Variants in MBTPS1 observed in about 807,000 individuals in gnomAD.
MBTPS1 encodes the protein membrane bound transcription factor peptidase, site 1.
Under a neutral mutation model 127.8 loss-of-function variants are expected in MBTPS1, and 94 were observed. The ratio of observed to expected loss-of-function variants is 0.74; its 90% CI spans 0.62 to 0.87. The LOEUF is 0.87. Ranked by LOEUF, MBTPS1 falls within the 40% of genes least tolerant of loss-of-function variation. MBTPS1 has a pLI of 0.00. For missense variants in MBTPS1, 1,636 were observed against 1,353.2 expected, an observed-to-expected ratio of 1.21 and a Z score of -3.28; for synonymous variants, 632 against 509.4, an observed-to-expected ratio of 1.24 and a Z score of -3.24.
chr16:84,090,511 TG>T (rs1480475050), intron 8 of MBTPS1, among the ~76,000 whole-genome samples: 3 of 152,200 alleles, frequency 2.0e-5, no homozygotes, highest in Non-Finnish European at 2.9e-5. Context: ...CCGGATGCTT[TG>T]CACACAGATC....
intron 22 of MBTPS1, 52 bp from the exon 23 acceptor site, chr16:84,054,697 A>T: frequency 7.1e-7 from 1 of 1,410,700 alleles, no homozygotes. Flanking sequence ...AGCTACCATG[A>T]CGGCCTTTTT....
Position 84,087,362 on chromosome 16 carries a change from G to A in MBTPS1, c.1130C>T (p.Thr377Ile). 6.2e-7 allele frequency: 1 copy of A among 1,609,896 alleles called. No individual in the cohort carries two copies. Among genetic ancestry groups the A allele is most frequent in the South Asian group, 1.1e-5 (1 of 90,932 alleles). The part of the protein sequence containing the change: ...IARFSSRGMT[T>I]WELPGGYGRM... The stretch of plus-strand genomic sequence containing the variant: ...ATTTAGCAAAGAAGAGCGTACCCAG[G>A]TAGTCATTCCCCTTGAAGAAAAGCG... Residue 377 changes from threonine to isoleucine, a missense_variant, in exon 9 of 23, where the codon ACC becomes ATC. Transcript: ENST00000343411.
chr16:84,076,473 C>T (rs948311028), intron 11 of MBTPS1, among the ~76,000 whole-genome samples: 2 of 152,130 alleles, frequency 1.3e-5, no homozygotes, highest in African/African-American at 4.8e-5. Flanking sequence ...TCAATGAAGC[C>T]TTAAGAATTG....
At chr16:84,080,340 C>A (rs550390971) in intron 11 of MBTPS1, among the ~76,000 whole-genome samples, 1 of 152,224 alleles carries the variant, frequency 6.6e-6, no homozygotes, top group Non-Finnish European at 1.5e-5. Flanking sequence ...CAGGAGTAAT[C>A]ACCAAAGGCA....
At chr16:84,077,291 A>G (rs2085872731) in intron 11 of MBTPS1, among the ~76,000 whole-genome samples, 1 of 151,838 alleles carries the variant, frequency 6.6e-6, no homozygotes, top group African/African-American at 2.4e-5. Context: ...AGAATACCCA[A>G]GAAAACAACG....
intron 1 of MBTPS1, among the ~76,000 whole-genome samples, chr16:84,115,190 T>C (rs535811905): frequency 1.3e-5 from 2 of 152,110 alleles, no homozygotes; most frequent in East Asian, 1.9e-4. Flanking sequence ...GCCTCCCAAA[T>C]TGTGGGATTA....
chr16:84,060,505 TG>T, intron 20 of MBTPS1, 176 bp downstream of exon 20: 1 of 629,732 alleles, frequency 1.6e-6, no homozygotes, highest in Non-Finnish European at 2.7e-6. Context: ...GGACTAAGGA[TG>T]GCCTCTCGGC....
At position 84,095,650 on chromosome 16, in the gene MBTPS1, C is replaced by T; in HGVS notation, c.577G>A (p.Val193Ile). The T allele has an allele frequency of 6.2e-7, 1 of 1,614,242 alleles. No homozygotes were observed. The highest frequency in any genetic ancestry group is 2.2e-5 in the East Asian group (1 of 44,894). Residue 193 changes from valine (V) to isoleucine (I), a missense_variant, in exon 4 of 23, where the codon GTT becomes ATT. By Grantham distance (29) the Val-to-Ile change is conservative (BLOSUM62 3). Coordinates refer to ENST00000343411, the MANE Select transcript of MBTPS1 (RefSeq NM_003791.4). ...ACATCTGCCTGCAGTGTCTGGGCAA[C>T]CTGGCGCGGGATGGCTCTCAGCAGC... is the stretch of plus-strand genomic sequence containing the variant. ...RRLLRAIPRQ[V>I]AQTLQADVLW... is the part of the protein sequence containing the mutation.
chr16:84,114,215 C>A (rs1380959376), intron 1 of MBTPS1, among the ~76,000 whole-genome samples: 1 of 152,098 alleles, frequency 6.6e-6, no homozygotes, highest in African/African-American at 2.4e-5. Flanking sequence ...CCCGCCTCGG[C>A]CTCCCAAAGT....
chr16:84,114,591 GA>G (rs577673639), intron 1 of MBTPS1, among the ~76,000 whole-genome samples: 31 of 151,904 alleles, frequency 2.0e-4, no homozygotes, highest in Non-Finnish European at 3.7e-4. Flanking sequence ...AGCACTTTGG[GA>G]GGCCGACGCG....
In MBTPS1 at chr16:84,101,940, C is replaced by G; in HGVS notation, c.-157G>C. 1.5e-6 allele frequency: 1 copy of G among 654,418 alleles called. No homozygotes were observed. Among genetic ancestry groups the G allele is most frequent in the South Asian group, 2.0e-5 (1 of 48,978 alleles). 40.5% of individuals were successfully genotyped at this position (654,418 alleles called of 1,614,324 possible). The stretch of plus-strand genomic sequence containing the variant: ...CATAAATAAAAGTTAAATCCCATGG[C>G]CTTTTGTGGTTCAGCCTGAAGAGAG... On this transcript the variant is annotated 5_prime_UTR_variant, in exon 2 of 23. Coordinates refer to ENST00000343411, the MANE Select transcript of MBTPS1 (RefSeq NM_003791.4).
intron 1 of MBTPS1, among the ~76,000 whole-genome samples, chr16:84,116,032 C>T (rs184069726): frequency 1.3e-5 from 2 of 152,242 alleles, no homozygotes; most frequent in East Asian, 3.9e-4. Flanking sequence ...GTTAGGAGGG[C>T]TTACCTACAC....
chr16:84,060,897 A>C, intron 19 of MBTPS1, 84 bp from the exon 20 acceptor site: 5 of 1,359,008 alleles, frequency 3.7e-6, no homozygotes, highest in East Asian at 5.1e-5. Flanking sequence ...GCAGTGGCGC[A>C]ATCATAGCTC....
intron 12 of MBTPS1, among the ~76,000 whole-genome samples, chr16:84,073,895 A>G (rs1022766789): frequency 2.0e-5 from 3 of 152,072 alleles, no homozygotes; most frequent in African/African-American, 7.2e-5. Context: ...AATCCCAGAT[A>G]CCTGGGAGGC....
intron 22 of MBTPS1, among the ~76,000 whole-genome samples, chr16:84,055,290 C>A (rs2085506063): frequency 6.6e-6 from 1 of 152,236 alleles, no homozygotes; most frequent in Non-Finnish European, 1.5e-5. Flanking sequence ...CAGGGCTGGA[C>A]TGCACAGACA....
At position 84,060,650 on chromosome 16, in the gene MBTPS1, C is replaced by A. The variant is rs144966326; in HGVS notation, c.2704+32G>T. 2.7e-4 allele frequency: 436 copies of A among 1,603,444 alleles called. 1 individual carries two copies. In the African/African-American group the frequency reaches 5.2e-3, roughly 19 times the overall value. The stretch of plus-strand genomic sequence containing the variant: ...GCATCATGTTCAGCTGGATCCAATT[C>A]CCTCCCCAAGGCATCCTGCCCATCC... On this transcript the variant is annotated intron_variant, in intron 20 of 22. Transcript: ENST00000343411.
Position 84,101,633 on chromosome 16 carries a change from C to G in MBTPS1, c.151G>C (p.Val51Leu). Reference protein sequence around the residue: ...LTLKVEFSSTVVEYEYIVAFN... With the variant: ...LTLKVEFSSTLVEYEYIVAFN... ...ACAACATCATTACCATATTCCACAA[C>G]TGTTGATGAGAATTCCACCTTCAAA... The change falls in exon 2 of 23, where the codon GTT (valine) becomes CTT (leucine). Residue 51 changes from valine (V) to leucine (L), a missense_variant. Coordinates refer to ENST00000343411, the MANE Select transcript of MBTPS1 (RefSeq NM_003791.4). 6.2e-7 allele frequency: 1 copy of G among 1,613,434 alleles called. No homozygotes were observed. The highest frequency in any genetic ancestry group is 8.5e-7 in the Non-Finnish European group (1 of 1,179,648).
Position 84,103,260 on chromosome 16 carries a change from T to A in MBTPS1, c.-324-1153A>T, listed in dbSNP as rs866211718. Among the ~76,000 whole-genome samples, 394 of 150,636 alleles carry A rather than the reference T, an allele frequency of 2.6e-3. 1 individual carries two copies. The highest frequency in any genetic ancestry group is 9.0e-3 in the African/African-American group (370 of 41,194). On this transcript the variant is annotated intron_variant, in intron 1 of 22. Transcript: ENST00000343411. ...TAGGATTTTATTATTATTATTATTT[T>A]TTTTTTTTTTTTGAGGAAGGGTCTC...
chr16:84,074,726 G>T lies in MBTPS1; in HGVS notation c.1464C>A (p.Tyr488Ter). 6.2e-7 allele frequency: 1 copy of T among 1,613,636 alleles called. No homozygotes were observed. The highest frequency in any genetic ancestry group is 1.3e-5 in the African/African-American group (1 of 75,016). Residue 488 changes from tyrosine (Y) to a stop codon, truncating the protein, a stop_gained, in exon 12 of 23, where the codon TAC (tyrosine) becomes TAA (stop). Transcript: ENST00000343411. LOFTEE classifies it high-confidence loss of function. ...TGTAGGGACACTCAGTCAGATCTATGTAGCTGGGGCTCAAACTGAAATAAA... is the reference window on the plus strand; with the variant it reads ...TGTAGGGACACTCAGTCAGATCTATTTAGCTGGGGCTCAAACTGAAATAAA... ...YKPQASLSPS[Y>*]IDLTECPYMW...
Sources: gnomAD v4.1 joint callset for allele counts (sites outside exome capture counted in the v4.1 genomes callset) on GRCh38, gnomAD v4.1.1 for gene constraint, MANE v1.5 for transcripts, NCBI Gene and HGNC (gene_info 2026-07-23, HGNC 2026-07-21) for gene names.